PPP1R10: variants seen among roughly 807,000 people sequenced by gnomAD.
PPP1R10 encodes the protein protein phosphatase 1 regulatory subunit 10.
Under a neutral mutation model 99.0 loss-of-function variants are expected in PPP1R10, and 15 were observed. The ratio of observed to expected loss-of-function variants is 0.15; its 90% CI spans 0.10 to 0.23. The LOEUF is 0.23. PPP1R10 is among the 10% of genes least tolerant of loss of function. The pLI, the probability that PPP1R10 is intolerant of heterozygous loss-of-function variation, is 1.00. For missense variants in PPP1R10, 947 were observed against 1,259.4 expected (o/e 0.75, Z 3.75); for synonymous variants, 430 against 449.5 (o/e 0.96, Z 0.55).
rs894542283 is a variant in PPP1R10, at chr6:30,600,530, ACT to A, written c.*1017_*1018del. ...ACCCTGCACAAAACCCAACCAATCC[ACT>A]GTTTTCATAGAAAACAACTGATGCC... On this transcript the variant is annotated 3_prime_UTR_variant, in exon 20 of 20. Coordinates refer to ENST00000376511, the MANE Select transcript of PPP1R10 (RefSeq NM_002714.4). The A allele has an allele frequency of 6.6e-6, 1 of 152,578 alleles. No homozygotes were observed. The highest frequency in any genetic ancestry group is 1.5e-5 in the Non-Finnish European group (1 of 68,020). The allele number at this position is 152,578 out of a possible 1,614,324, so 9.5% of individuals were successfully genotyped here.
intron 6 of PPP1R10, among the ~76,000 whole-genome samples, chr6:30,607,271 T>A (rs967177467): frequency 3.9e-5 from 6 of 152,348 alleles, no homozygotes; most frequent in South Asian, 2.1e-4. Context: ...GACATTTTTT[T>A]AAAAAGCTAC....
At position 30,602,924 on chromosome 6, in the gene PPP1R10, T is replaced by C; in HGVS notation, c.1879A>G (p.Asn627Asp). 1 of 1,554,868 alleles carries C rather than the reference T, an allele frequency of 6.4e-7. No homozygotes were observed. Among genetic ancestry groups the C allele is most frequent in the Non-Finnish European group, 8.7e-7 (1 of 1,148,346 alleles). Reference protein sequence around the residue: ...HGLLGPGPIANGFPPGGPGGP... With the variant: ...HGLLGPGPIADGFPPGGPGGP... ...CCAGGACCCCCTGGTGGGAAACCAT[T>C]GGCTATTGGGCCAGGGCCTAGGAGT... The change falls in exon 18 of 20, where the codon AAT (asparagine) becomes GAT (aspartate). Residue 627 changes from asparagine (N) to aspartate (D), a missense_variant. Coordinates refer to ENST00000376511, the MANE Select transcript of PPP1R10 (RefSeq NM_002714.4). The surrounding 1 kb of genome is among the most constrained non-coding windows in gnomAD (Gnocchi z 6.7).
rs1405605092 is a variant in PPP1R10, at chr6:30,602,380, G to A, written c.2269C>T (p.Pro757Ser). 1 of 1,612,642 alleles carries A rather than the reference G, an allele frequency of 6.2e-7. No individual in the cohort carries two copies. The highest frequency in any genetic ancestry group is 1.7e-5 in the Admixed American group (1 of 60,012). ...CTGCTGTTGCCCATGCCCCCACCAG[G>A]GCCTTCGTGAGGACGATGCCCACCA... is the stretch of plus-strand genomic sequence containing the variant. ...GGGGHRPHEGPGGGMGNSSGH... is the reference protein window; with the variant it reads ...GGGGHRPHEGSGGGMGNSSGH... Residue 757 changes from proline to serine, a missense_variant, in exon 19 of 20, where the codon CCT becomes TCT. Around this residue, in one of 10 missense-constraint regions of PPP1R10, gnomAD observed 525 missense variants for 578.8 expected, o/e 0.91. Coordinates refer to ENST00000376511, the MANE Select transcript of PPP1R10 (RefSeq NM_002714.4). This position sits in a 1 kb window ranked among gnomAD's most constrained non-coding sequence, Gnocchi z 6.7.
chr6:30,607,818 G>A (rs1179934557), intron 6 of PPP1R10, 22 bp downstream of exon 6: 1 of 1,606,532 alleles, frequency 6.2e-7, no homozygotes, highest in Non-Finnish European at 8.5e-7. Flanking sequence ...AAGCCCATGA[G>A]AGAGCAGAAG....
Position 30,600,476 on chromosome 6 carries a change from C to G in PPP1R10, c.*1073G>C, listed in dbSNP as rs1227884900. 1 of 152,556 alleles carries G rather than the reference C, an allele frequency of 6.6e-6. No homozygotes were observed. Among genetic ancestry groups the G allele is most frequent in the Non-Finnish European group, 1.5e-5 (1 of 68,026 alleles). 9.5% of individuals were successfully genotyped at this position (152,556 alleles called of 1,614,324 possible). On this transcript the variant is annotated 3_prime_UTR_variant, in exon 20 of 20. Coordinates refer to ENST00000376511, the MANE Select transcript of PPP1R10 (RefSeq NM_002714.4). ...CAAAACCAAAAAAAAAAATACTCATCCTCAAATCCATTTTGGCTCTAACCC... is the reference window on the plus strand; with the variant it reads ...CAAAACCAAAAAAAAAAATACTCATGCTCAAATCCATTTTGGCTCTAACCC...
chr6:30,608,820 T>A lies in PPP1R10; in HGVS notation c.289A>T (p.Thr97Ser), dbSNP rs371125097. 5.6e-6 allele frequency: 9 copies of A among 1,614,016 alleles called. No individual in the cohort carries two copies. Among genetic ancestry groups the A allele is most frequent in the Non-Finnish European group, 5.9e-6 (7 of 1,179,966 alleles). ...ACAGTGAGCGGTAGATGCTGCAGGG[T>A]CAGTAGAATTTGCTGGAGGAGGGGA... ...NIPLLQQILLTLQHLPLTVDH... is the reference protein window; with the variant it reads ...NIPLLQQILLSLQHLPLTVDH... Residue 97 changes from threonine (T) to serine (S), a missense_variant, in exon 5 of 20, where the codon ACC becomes TCC. Around this residue, in one of 10 missense-constraint regions of PPP1R10, gnomAD observed 82 missense variants for 117.3 expected, o/e 0.70. Transcript: ENST00000376511.
In PPP1R10 at chr6:30,603,223, G is replaced by C; in HGVS notation, c.1830C>G (p.Ile610Met). Residue 610 changes from isoleucine (I) to methionine (M), a missense_variant, in exon 17 of 20, where the codon ATC (isoleucine) becomes ATG (methionine). Around this residue, in one of 10 missense-constraint regions of PPP1R10, gnomAD observed 525 missense variants for 578.8 expected, o/e 0.91. Coordinates refer to ENST00000376511, the MANE Select transcript of PPP1R10 (RefSeq NM_002714.4). Reference sequence around the variant, plus strand: ...CCTGAAGATTACCCAGCATCTGCTTGATCTTGTCCGAATAGTCTGGTTGTT... The same window carrying C: ...CCTGAAGATTACCCAGCATCTGCTTCATCTTGTCCGAATAGTCTGGTTGTT... ...LLKQPDYSDKIKQMLVPHGLL... is the reference protein window; with the variant it reads ...LLKQPDYSDKMKQMLVPHGLL... 2 of 1,613,250 alleles carry C rather than the reference G, an allele frequency of 1.2e-6. No homozygotes were observed. The highest frequency in any genetic ancestry group is 1.7e-6 in the Non-Finnish European group (2 of 1,179,212).
rs771432475 is a variant in PPP1R10 at position 30,603,467 on chromosome 6, C to A, written c.1767+5G>T. The A allele has an allele frequency of 3.1e-6, 5 of 1,606,292 alleles. No homozygotes were observed. The highest frequency in any genetic ancestry group is 4.3e-6 in the Non-Finnish European group (5 of 1,175,742). ...AAGGTGGAAAAGGGGAAGGAGGGTG[C>A]GTACCATGATGGAGGTGAGGATCTC... is the stretch of plus-strand genomic sequence containing the variant. On this transcript the variant is annotated splice_donor_5th_base_variant and intron_variant, in intron 16 of 19. Coordinates refer to ENST00000376511, the MANE Select transcript of PPP1R10 (RefSeq NM_002714.4).
At position 30,608,858 on chromosome 6, in the gene PPP1R10, G is replaced by A; in HGVS notation, c.251C>T (p.Thr84Ile). The A allele has an allele frequency of 6.2e-7, 1 of 1,614,158 alleles. No individual in the cohort carries two copies. Among genetic ancestry groups the A allele is most frequent in the Non-Finnish European group, 8.5e-7 (1 of 1,180,008 alleles). ...CTGGAGGAGGGGAATGTTGTTGGTT[G>A]TCTTTGAATACGTCAGCCAATTGTT... ...LLNNWLTYSK[T>I]TNNIPLLQQI... The change falls in exon 5 of 20, where the codon ACA (threonine) becomes ATA (isoleucine). Residue 84 changes from threonine (T) to isoleucine (I), a missense_variant. Physicochemically the swap from Thr to Ile is moderately conservative, Grantham distance 89. Transcript: ENST00000376511.
rs1160341898 is a variant in PPP1R10, at chr6:30,605,371, TACCAG to T, written c.854-282_854-278del. ...CCCTTGTGAACATGACAGATCACCT[TACCAG>T]GTGCCCCTGACCAGTCACAGAATGG... On this transcript the variant is annotated intron_variant, in intron 10 of 19. Transcript: ENST00000376511. Among the ~76,000 whole-genome samples the T allele has an allele frequency of 3.4e-3, 517 of 152,240 alleles. 4 individuals are homozygous for T. The highest frequency in any genetic ancestry group is 0.022 in the East Asian group (116 of 5,180).
chr6:30,613,515 C>T (rs1239704369), intron 2 of PPP1R10, among the ~76,000 whole-genome samples: 1 of 152,172 alleles, frequency 6.6e-6, no homozygotes, highest in Non-Finnish European at 1.5e-5. Flanking sequence ...AAGGTCATAG[C>T]TTTCTTCCAA....
Position 30,609,823 on chromosome 6 carries a change from G to T in PPP1R10, c.107+15C>A. ...TCTCTACTCACAGTGAATACAAAAA[G>T]GGGTAAAGACTCACCTGAAGATCTT... On this transcript the variant is annotated intron_variant, in intron 3 of 19. Transcript: ENST00000376511. This position sits in a 1 kb window ranked among gnomAD's most constrained non-coding sequence, Gnocchi z 4.5. The T allele has an allele frequency of 6.3e-7, 1 of 1,594,080 alleles. No homozygotes were observed. The highest frequency in any genetic ancestry group is 8.6e-7 in the Non-Finnish European group (1 of 1,161,820).
rs1018777833 is a variant in PPP1R10 at position 30,608,642 on chromosome 6, C to G, written c.330+137G>C. 5 of 1,158,798 alleles carry G rather than the reference C, an allele frequency of 4.3e-6. No individual in the cohort carries two copies. The African/African-American group carries it at 7.8e-5, about 18-fold the overall frequency. The allele number at this position is 1,158,798 out of a possible 1,614,324, so 71.8% of individuals were successfully genotyped here. ...AGGAGATAAATTCAAACCAAGTCTT[C>G]TTCTTCTAAATTCCTATTTTTTTTC... On this transcript the variant is annotated intron_variant, in intron 5 of 19. Transcript: ENST00000376511.
Position 30,615,478 on chromosome 6 carries a change from G to A in PPP1R10, c.-12+1000C>T, listed in dbSNP as rs1023960976. On this transcript the variant is annotated intron_variant, in intron 2 of 19. Transcript: ENST00000376511. ...TCAACAAATAGGGTTGAGGTGGGAG[G>A]ACAGGAAAAAAAATGGGTCAAGACA... 4.6e-5 allele frequency among the ~76,000 whole-genome samples: 7 copies of A among 152,044 alleles called. No individual in the cohort carries two copies. The South Asian group carries it at 8.3e-4, about 18-fold the overall frequency.
At chr6:30,610,197 G>A (rs1287705216) in intron 2 of PPP1R10, among the ~76,000 whole-genome samples, 1 of 152,198 alleles carries the variant, frequency 6.6e-6, no homozygotes, top group African/African-American at 2.4e-5. Context: ...TTCGATTGGA[G>A]GAGTAGGGCA....
At chr6:30,614,203 T>C (rs1037421710) in intron 2 of PPP1R10, among the ~76,000 whole-genome samples, 12 of 152,124 alleles carry the variant, frequency 7.9e-5, no homozygotes, top group South Asian at 4.1e-4. Flanking sequence ...ACTGCATGAG[T>C]TGAAAAATGA....
rs201922968 is a variant in PPP1R10 at position 30,603,204 on chromosome 6, G to A, written c.1843+6C>T. 73 of 1,610,148 alleles carry A rather than the reference G, an allele frequency of 4.5e-5. No individual in the cohort carries two copies. Among genetic ancestry groups the A allele is most frequent in the Non-Finnish European group, 2.3e-5 (27 of 1,176,382 alleles). ...CCAGTCCCCTGGGGCTGGCCCTGAA[G>A]ATTACCCAGCATCTGCTTGATCTTG... On this transcript the variant is annotated splice_donor_region_variant and intron_variant, in intron 17 of 19. Transcript: ENST00000376511.
chr6:30,613,223 A>G (rs1804737797), intron 2 of PPP1R10, among the ~76,000 whole-genome samples: 1 of 152,238 alleles, frequency 6.6e-6, no homozygotes, highest in Admixed American at 6.5e-5. Context: ...GGGTGAAAAA[A>G]TATCCAGCAT....
Position 30,602,000 on chromosome 6 carries a change from A to G in PPP1R10, c.2649T>C (p.His883=). The part of the protein sequence containing the change: ...RGPPPHEHRG[H]DGPGHGGGGH... The stretch of plus-strand genomic sequence containing the variant: ...CCCCTCCCCCGTGGCCAGGACCATC[A>G]TGGCCACGGTGCTCATGAGGTGGCG... The change falls in exon 19 of 20, where the codon CAT becomes CAC. Residue 883 remains histidine, a synonymous_variant. Transcript: ENST00000376511. The G allele has an allele frequency of 6.6e-7, 1 of 1,519,664 alleles. No individual in the cohort carries two copies. The highest frequency in any genetic ancestry group is 8.8e-7 in the Non-Finnish European group (1 of 1,133,940). The allele number at this position is 1,519,664 out of a possible 1,614,324, so 94.1% of individuals were successfully genotyped here.
Sources: allele counts gnomAD v4.1 joint callset (sites outside exome capture counted in the v4.1 genomes callset), GRCh38; gene constraint gnomAD v4.1.1; regional missense constraint gnomAD v4.1.1; non-coding constraint Gnocchi (gnomAD v3.1); transcripts MANE v1.5; gene names NCBI Gene and HGNC (gene_info 2026-07-23, HGNC 2026-07-21).